SEMG2: variants seen among roughly 807,000 people sequenced by gnomAD.
SEMG2 encodes the protein semenogelin-2.
In SEMG2, 3 loss-of-function variants were observed where a neutral mutation model predicts 8.1. The ratio of observed to expected loss-of-function variants is 0.37; its 90% confidence interval spans 0.17 to 0.96. The LOEUF is 0.96. SEMG2 is among the 40% of genes least tolerant of loss of function. The pLI, the probability that SEMG2 is intolerant of heterozygous loss-of-function variation, is 0.41. For synonymous variants in SEMG2, 252 were observed against 231.4 expected (o/e 1.09, Z -0.81); for missense variants, 726 against 671.2 (o/e 1.08, Z -0.90).
In SEMG2 at chr20:45,222,637, A is replaced by G; in HGVS notation, c.1005A>G (p.Gln335=). The change falls in exon 2 of 3, where the codon CAA becomes CAG. Residue 335 remains glutamine (Q), a synonymous_variant. Transcript: ENST00000372769. The part of the protein sequence containing the change: ...KSQNQVTIHS[Q]DQEHGHKENK... ...AAAACCAGGTAACAATTCATAGTCA[A>G]GATCAAGAGCATGGCCATAAGGAAA... The G allele has an allele frequency of 6.2e-7, 1 of 1,614,152 alleles. No homozygotes were observed. The highest frequency in any genetic ancestry group is 8.5e-7 in the Non-Finnish European group (1 of 1,180,016).
chr20:45,223,334 C>T lies in SEMG2; in HGVS notation c.1702C>T (p.His568Tyr). ...ITEHEVAQDD[H>Y]LTQQYNEDRN... ...TGAGCATGAGGTTGCCCAAGATGAT[C>T]ATTTGACACAACAATATAATGAAGA... Residue 568 changes from histidine (H) to tyrosine (Y), a missense_variant, in exon 2 of 3, where the codon CAT becomes TAT. His to Tyr is a moderately conservative substitution (Grantham distance 83). Coordinates refer to ENST00000372769, the MANE Select transcript of SEMG2 (RefSeq NM_003008.3). 1 of 1,613,802 alleles carries T rather than the reference C, an allele frequency of 6.2e-7. No individual in the cohort carries two copies. The highest frequency in any genetic ancestry group is 1.1e-5 in the South Asian group (1 of 90,978).
chr20:45,221,441 C>A lies in SEMG2; in HGVS notation c.52C>A (p.Gln18Lys), dbSNP rs1984009697. 5 of 1,614,100 alleles carry A rather than the reference C, an allele frequency of 3.1e-6. No individual in the cohort carries two copies. The highest frequency in any genetic ancestry group is 4.2e-6 in the Non-Finnish European group (5 of 1,180,004). Reference sequence around the variant, plus strand: ...TTCCCTGCTCCTTATCTTGGAGAAGCAAGCAGCTGTGATGGGACAAAAAGG... The same window carrying A: ...TTCCCTGCTCCTTATCTTGGAGAAGAAAGCAGCTGTGATGGGACAAAAAGG... ...VLSLLLILEK[Q>K]AAVMGQKGGS... The change falls in exon 1 of 3, where the codon CAA becomes AAA. Residue 18 changes from glutamine (Q) to lysine (K), a missense_variant. Coordinates refer to ENST00000372769, the MANE Select transcript of SEMG2 (RefSeq NM_003008.3).
intron 2 of SEMG2, among the ~76,000 whole-genome samples, chr20:45,224,070 G>A (rs1301327853): frequency 6.6e-6 from 1 of 152,180 alleles, no homozygotes; most frequent in Admixed American, 6.5e-5. Context: ...ACCTGGATTG[G>A]GGAAATGGTT....
At position 45,222,748 on chromosome 20, in the gene SEMG2, C is replaced by A. The variant is rs1984051994; in HGVS notation, c.1116C>A (p.Gly372=). ...GCATCCAGAAAGGTGTATCCAAAGG[C>A]AGTATTTCGATCCAAACTGAAGAGC... is the stretch of plus-strand genomic sequence containing the variant. ...EKGIQKGVSK[G]SISIQTEEQI... is the part of the protein sequence containing the mutation. Residue 372 remains glycine, a synonymous_variant, in exon 2 of 3, where the codon GGC becomes GGA. Transcript: ENST00000372769. 1 of 1,614,014 alleles carries A rather than the reference C, an allele frequency of 6.2e-7. No homozygotes were observed. The highest frequency in any genetic ancestry group is 1.3e-5 in the African/African-American group (1 of 75,008).
chr20:45,223,130 A>C lies in SEMG2; in HGVS notation c.1498A>C (p.Lys500Gln), dbSNP rs1167296585. 1 of 1,613,996 alleles carries C rather than the reference A, an allele frequency of 6.2e-7. No individual in the cohort carries two copies. Among genetic ancestry groups the C allele is most frequent in the Non-Finnish European group, 8.5e-7 (1 of 1,179,910 alleles). ...SQSSISFQIE[K>Q]LVEGKSQIQT... Reference sequence around the variant, plus strand: ...AAGCAGTATTTCTTTCCAAATTGAAAAGCTAGTAGAAGGCAAGTCTCAAAT... The same window carrying C: ...AAGCAGTATTTCTTTCCAAATTGAACAGCTAGTAGAAGGCAAGTCTCAAAT... The change falls in exon 2 of 3, where the codon AAG becomes CAG. Residue 500 changes from lysine (K) to glutamine (Q), a missense_variant. Lys to Gln is a moderately conservative substitution (Grantham distance 53). Transcript: ENST00000372769.
Position 45,222,617 on chromosome 20 carries a change from C to A in SEMG2, c.985C>A (p.Gln329Lys). 1 of 1,614,016 alleles carries A rather than the reference C, an allele frequency of 6.2e-7. No individual in the cohort carries two copies. The highest frequency in any genetic ancestry group is 8.5e-7 in the Non-Finnish European group (1 of 1,179,986). The change falls in exon 2 of 3, where the codon CAG becomes AAG. Residue 329 changes from glutamine (Q) to lysine (K), a missense_variant. Physicochemically the swap from Gln to Lys is moderately conservative, Grantham distance 53 (BLOSUM62 1). Transcript: ENST00000372769. ...EEKIHGKSQN[Q>K]VTIHSQDQEH... is the part of the protein sequence containing the mutation. ...GAAAATACATGGCAAGTCTCAAAACCAGGTAACAATTCATAGTCAAGATCA... is the reference window on the plus strand; with the variant it reads ...GAAAATACATGGCAAGTCTCAAAACAAGGTAACAATTCATAGTCAAGATCA...
chr20:45,223,069 C>T lies in SEMG2; in HGVS notation c.1437C>T (p.Asn479=). 6.2e-7 allele frequency: 1 copy of T among 1,614,158 alleles called. No homozygotes were observed. The highest frequency in any genetic ancestry group is 8.5e-7 in the Non-Finnish European group (1 of 1,180,024). Residue 479 remains asparagine (N), a synonymous_variant, in exon 2 of 3, where the codon AAC becomes AAT. Coordinates refer to ENST00000372769, the MANE Select transcript of SEMG2 (RefSeq NM_003008.3). Reference sequence around the variant, plus strand: ...CAAGTACAGAAGAAAGACGACTCAACTATGGAGGAAAGAGCACGCAGAAAG... The same window carrying T: ...CAAGTACAGAAGAAAGACGACTCAATTATGGAGGAAAGAGCACGCAGAAAG... ...QSSSTEERRL[N]YGGKSTQKDV...
Position 45,222,324 on chromosome 20 carries a change from C to T in SEMG2, c.692C>T (p.Ser231Leu). The change falls in exon 2 of 3, where the codon TCA becomes TTA. Residue 231 changes from serine (S) to leucine (L), a missense_variant. Transcript: ENST00000372769. The part of the protein sequence containing the change: ...QNVVDVREEH[S>L]SKLQTSLHPA... The stretch of plus-strand genomic sequence containing the variant: ...GTGGTTGACGTGAGAGAGGAACATT[C>T]AAGTAAACTACAAACTTCACTCCAT... 4 of 1,614,064 alleles carry T rather than the reference C, an allele frequency of 2.5e-6. No individual in the cohort carries two copies. The highest frequency in any genetic ancestry group is 3.4e-6 in the Non-Finnish European group (4 of 1,179,998).
Position 45,223,292 on chromosome 20 carries a change from C to T in SEMG2, c.1660C>T (p.His554Tyr). The change falls in exon 2 of 3, where the codon CAT becomes TAT. Residue 554 changes from histidine to tyrosine, a missense_variant. By Grantham distance (83) the His-to-Tyr change is moderately conservative. Transcript: ENST00000372769. ...GRYKQESSES[H>Y]NIVITEHEVA... ...ATACAAACAGGAATCCAGTGAGTCA[C>T]ATAATATTGTAATTACTGAGCATGA... The T allele has an allele frequency of 6.2e-7, 1 of 1,614,078 alleles. No homozygotes were observed. The highest frequency in any genetic ancestry group is 8.5e-7 in the Non-Finnish European group (1 of 1,179,928).
rs1185435724 is a variant in SEMG2 at position 45,221,412 on chromosome 20, T to C, written c.23T>C (p.Val8Ala). The C allele has an allele frequency of 4.3e-6, 7 of 1,614,158 alleles. No homozygotes were observed. Among genetic ancestry groups the C allele is most frequent in the Non-Finnish European group, 5.9e-6 (7 of 1,179,980 alleles). MKSIILF[V>A]LSLLLILEKQ... ...AAGATGAAGTCCATCATCCTCTTTGTCCTTTCCCTGCTCCTTATCTTGGAG... is the reference window on the plus strand; with the variant it reads ...AAGATGAAGTCCATCATCCTCTTTGCCCTTTCCCTGCTCCTTATCTTGGAG... Residue 8 changes from valine (V) to alanine (A), a missense_variant, in exon 1 of 3, where the codon GTC (valine) becomes GCC (alanine). Coordinates refer to ENST00000372769, the MANE Select transcript of SEMG2 (RefSeq NM_003008.3).
Position 45,222,182 on chromosome 20 carries a change from G to T in SEMG2, c.550G>T (p.Gly184Cys), listed in dbSNP as rs1243872046. 1 of 1,614,106 alleles carries T rather than the reference G, an allele frequency of 6.2e-7. No individual in the cohort carries two copies. Among genetic ancestry groups the T allele is most frequent in the African/African-American group, 1.3e-5 (1 of 75,026 alleles). Reference protein sequence around the residue: ...EQASASGAQKGRTQGGSQSSY... With the variant: ...EQASASGAQKCRTQGGSQSSY... ...AGCTTCAGCCTCTGGTGCACAAAAA[G>T]GTAGAACACAAGGTGGATCCCAAAG... The change falls in exon 2 of 3, where the codon GGT (glycine) becomes TGT (cysteine). Residue 184 changes from glycine to cysteine, a missense_variant. Transcript: ENST00000372769.
At position 45,221,619 on chromosome 20, in the gene SEMG2, T is replaced by C. The variant is rs1984013938; in HGVS notation, c.77-90T>C. ...CCAACGCTGTAGGCTTTTGGAAATATCAGAAATTTGTTGGGAAAAGGTGGG... is the reference window on the plus strand; with the variant it reads ...CCAACGCTGTAGGCTTTTGGAAATACCAGAAATTTGTTGGGAAAAGGTGGG... On this transcript the variant is annotated intron_variant, in intron 1 of 2. Transcript: ENST00000372769. 4 of 1,405,804 alleles carry C rather than the reference T, an allele frequency of 2.8e-6. No individual in the cohort carries two copies. The South Asian group carries it at 4.0e-5, about 14-fold the overall frequency. 87.1% of individuals were successfully genotyped at this position (1,405,804 alleles called of 1,614,324 possible). A position where few individuals can be genotyped will look rare whatever the true frequency, so the allele number is the denominator to read the frequency against.
At position 45,223,081 on chromosome 20, in the gene SEMG2, G is replaced by A; in HGVS notation, c.1449G>A (p.Lys483=). 6.2e-7 allele frequency: 1 copy of A among 1,614,168 alleles called. No individual in the cohort carries two copies. The highest frequency in any genetic ancestry group is 8.5e-7 in the Non-Finnish European group (1 of 1,180,020). The change falls in exon 2 of 3, where the codon AAG becomes AAA. Residue 483 remains lysine, a synonymous_variant. Transcript: ENST00000372769. ...TEERRLNYGG[K]STQKDVSQSS... ...AAAGACGACTCAACTATGGAGGAAA[G>A]AGCACGCAGAAAGATGTATCCCAAA...
rs1270454843 is a variant in SEMG2, at chr20:45,222,762, A to G, written c.1130A>G (p.Gln377Arg). 19 of 1,614,084 alleles carry G rather than the reference A, an allele frequency of 1.2e-5. No homozygotes were observed. The highest frequency in any genetic ancestry group is 1.5e-5 in the Non-Finnish European group (18 of 1,180,028). The change falls in exon 2 of 3, where the codon CAA becomes CGA. Residue 377 changes from glutamine to arginine, a missense_variant. Gln to Arg is a conservative substitution (Grantham distance 43, BLOSUM62 1). Transcript: ENST00000372769. ...GTATCCAAAGGCAGTATTTCGATCCAAACTGAAGAGCAAATACATGGCAAG... is the reference window on the plus strand; with the variant it reads ...GTATCCAAAGGCAGTATTTCGATCCGAACTGAAGAGCAAATACATGGCAAG... The part of the protein sequence containing the change: ...KGVSKGSISI[Q>R]TEEQIHGKSQ...
chr20:45,222,721 G>C lies in SEMG2; in HGVS notation c.1089G>C (p.Lys363Asn), dbSNP rs1273965290. 1 of 1,613,422 alleles carries C rather than the reference G, an allele frequency of 6.2e-7. No homozygotes were observed. Among genetic ancestry groups the C allele is most frequent in the African/African-American group, 1.3e-5 (1 of 74,682 alleles). Reference sequence around the variant, plus strand: ...AAAGACATCTCAACTGTGGAGAAAAGGGCATCCAGAAAGGTGTATCCAAAG... The same window carrying C: ...AAAGACATCTCAACTGTGGAGAAAACGGCATCCAGAAAGGTGTATCCAAAG... The part of the protein sequence containing the change: ...TEERHLNCGE[K>N]GIQKGVSKGS... Residue 363 changes from lysine (K) to asparagine (N), a missense_variant, in exon 2 of 3, where the codon AAG becomes AAC. Physicochemically the swap from Lys to Asn is moderately conservative, Grantham distance 94 (BLOSUM62 0). Coordinates refer to ENST00000372769, the MANE Select transcript of SEMG2 (RefSeq NM_003008.3).
At chr20:45,221,634 G>T (rs1028731576) in intron 1 of SEMG2, 75 bp from the exon 2 acceptor site, 40 of 1,421,962 alleles carry the variant, frequency 2.8e-5, no homozygotes, top group Non-Finnish European at 3.5e-5. Flanking sequence ...AATTTGTTGG[G>T]AAAAGGTGGG....
rs200620558 is a variant in SEMG2 at position 45,222,347 on chromosome 20, C to T, written c.715C>T (p.His239Tyr). The T allele has an allele frequency of 3.1e-5, 50 of 1,614,084 alleles. No individual in the cohort carries two copies. In the East Asian group the frequency reaches 1.0e-3, roughly 32 times the overall value. Residue 239 changes from histidine (H) to tyrosine (Y), a missense_variant, in exon 2 of 3, where the codon CAT (histidine) becomes TAT (tyrosine). His to Tyr is a moderately conservative substitution (Grantham distance 83). Coordinates refer to ENST00000372769, the MANE Select transcript of SEMG2 (RefSeq NM_003008.3). Reference protein sequence around the residue: ...EHSSKLQTSLHPAHQDRLQHG... With the variant: ...EHSSKLQTSLYPAHQDRLQHG... ...TTCAAGTAAACTACAAACTTCACTC[C>T]ATCCTGCACATCAAGACAGACTCCA... is the stretch of plus-strand genomic sequence containing the variant.
At position 45,223,114 on chromosome 20, in the gene SEMG2, T is replaced by G; in HGVS notation, c.1482T>G (p.Ile494Met). The G allele has an allele frequency of 6.2e-7, 1 of 1,614,082 alleles. No homozygotes were observed. Among genetic ancestry groups the G allele is most frequent in the Non-Finnish European group, 8.5e-7 (1 of 1,179,972 alleles). The part of the protein sequence containing the change: ...STQKDVSQSS[I>M]SFQIEKLVEG... ...AGAAAGATGTATCCCAAAGCAGTAT[T>G]TCTTTCCAAATTGAAAAGCTAGTAG... The change falls in exon 2 of 3, where the codon ATT becomes ATG. Residue 494 changes from isoleucine to methionine, a missense_variant. Transcript: ENST00000372769.
At chr20:45,223,742 C>T (rs1984080477) in intron 2 of SEMG2, among the ~76,000 whole-genome samples, 1 of 152,088 alleles carries the variant, frequency 6.6e-6, no homozygotes, top group African/African-American at 2.4e-5. Context: ...TTATGGTATA[C>T]TCTTGTCAAT....
Sources: gnomAD v4.1 joint callset for allele counts (sites outside exome capture counted in the v4.1 genomes callset) on GRCh38, gnomAD v4.1.1 for gene constraint, MANE v1.5 for transcripts, NCBI Gene and HGNC (gene_info 2026-07-23, HGNC 2026-07-21) for gene names.